The following DPP10 variants were observed in gnomAD, a reference collection of about 807,000 sequenced individuals.
DPP10 encodes the protein inactive dipeptidyl peptidase 10.
In DPP10, 33 loss-of-function variants were observed where a neutral mutation model predicts 120.9. That is an observed-to-expected ratio of 0.27 (90% CI 0.21 to 0.37). The LOEUF (loss-of-function observed/expected upper bound fraction) is 0.37, where lower values mean the gene tolerates loss of function less well. Ranked by LOEUF, DPP10 falls within the 10% of genes least tolerant of loss-of-function variation. DPP10 has a pLI of 1.00. For synonymous variants in DPP10, 337 were observed against 326.1 expected (o/e 1.03, Z -0.36); for missense variants, 816 against 942.8 (o/e 0.87, Z 1.76).
intron 1 of DPP10, among the ~76,000 whole-genome samples, chr2:114,784,148 T>A (rs550773726): frequency 3.3e-5 from 5 of 152,206 alleles, no homozygotes; most frequent in Admixed American, 3.3e-4. Context: ...AGAAGTCCCA[T>A]TGGGATCAAG....
At chr2:115,251,248 G>A (rs1490961480) in intron 1 of DPP10, among the ~76,000 whole-genome samples, 1 of 152,148 alleles carries the variant, frequency 6.6e-6, no homozygotes, top group Non-Finnish European at 1.5e-5. Flanking sequence ...GAAAAGCTTT[G>A]AGAGGTAGGT....
chr2:115,576,179 T>C lies in DPP10; in HGVS notation c.441+50207T>C, dbSNP rs142607563. Among the ~76,000 whole-genome samples the C allele has an allele frequency of 1.6e-3, 238 of 152,320 alleles. 1 individual carries two copies. Among genetic ancestry groups the C allele is most frequent in the African/African-American group, 5.0e-3 (207 of 41,580 alleles). ...CATGGAAAAGCAATACAATGAGCTATCAAAAACATTGATCACCTTATCCTT... is the reference window on the plus strand; with the variant it reads ...CATGGAAAAGCAATACAATGAGCTACCAAAAACATTGATCACCTTATCCTT... On this transcript the variant is annotated intron_variant, in intron 5 of 25. Transcript: ENST00000410059.
chr2:114,588,528 A>C (rs1224861895), intron 1 of DPP10, among the ~76,000 whole-genome samples: 3 of 152,196 alleles, frequency 2.0e-5, no homozygotes, highest in Admixed American at 2.0e-4. Flanking sequence ...TTCCCAACAC[A>C]AATAAATGAT....
chr2:114,855,581 A>T (rs963703118), intron 1 of DPP10, among the ~76,000 whole-genome samples: 8 of 152,148 alleles, frequency 5.3e-5, no homozygotes, highest in African/African-American at 1.9e-4. Context: ...GACAACATTA[A>T]ATGTGTGTGT....
chr2:115,050,797 A>G (rs917898154), intron 1 of DPP10, among the ~76,000 whole-genome samples: 1 of 152,228 alleles, frequency 6.6e-6, no homozygotes, highest in Non-Finnish European at 1.5e-5. Flanking sequence ...CGGCCTCACT[A>G]GAGTTTAACA....
At chr2:115,504,043 A>G (rs1213047004) in intron 4 of DPP10, among the ~76,000 whole-genome samples, 1 of 152,110 alleles carries the variant, frequency 6.6e-6, no homozygotes, top group Non-Finnish European at 1.5e-5. Context: ...GGGAGATATT[A>G]AACTGTGGCT....
intron 5 of DPP10, among the ~76,000 whole-genome samples, chr2:115,643,191 G>A (rs996585330): frequency 6.6e-6 from 1 of 151,618 alleles, no homozygotes; most frequent in Non-Finnish European, 1.5e-5. Context: ...TGAAATTGAT[G>A]ACCTTAGTGG....
At chr2:114,617,996 A>C (rs1693803186) in intron 1 of DPP10, among the ~76,000 whole-genome samples, 1 of 152,094 alleles carries the variant, frequency 6.6e-6, no homozygotes, top group East Asian at 1.9e-4. Context: ...TCTACATGTC[A>C]GATAATACAG....
chr2:114,789,323 A>G (rs1318968668), intron 1 of DPP10, among the ~76,000 whole-genome samples: 3 of 152,224 alleles, frequency 2.0e-5, no homozygotes, highest in Non-Finnish European at 4.4e-5. Flanking sequence ...AGATAAAGAA[A>G]AAGAACAAGA....
intron 1 of DPP10, among the ~76,000 whole-genome samples, chr2:114,709,311 C>G (rs146070634): frequency 1.3e-5 from 2 of 152,160 alleles, no homozygotes; most frequent in Non-Finnish European, 2.9e-5. Context: ...TCATTGGCCT[C>G]TTTCCTCTCT....
At chr2:115,155,628 T>C (rs1215099525) in intron 1 of DPP10, among the ~76,000 whole-genome samples, 5 of 152,210 alleles carry the variant, frequency 3.3e-5, no homozygotes, top group Non-Finnish European at 1.5e-5. Flanking sequence ...TGATAAAATA[T>C]TACAAGGCAA....
chr2:115,476,550 G>C (rs2075094760), intron 3 of DPP10, among the ~76,000 whole-genome samples: 1 of 152,148 alleles, frequency 6.6e-6, no homozygotes, highest in South Asian at 2.1e-4. Context: ...AAAGTTAGGG[G>C]TAAGATGCCA....
At chr2:114,832,845 C>A (rs1687262020) in intron 1 of DPP10, among the ~76,000 whole-genome samples, 1 of 151,898 alleles carries the variant, frequency 6.6e-6, no homozygotes, top group African/African-American at 2.4e-5. Context: ...GTCTACCTAA[C>A]ATGTTTCTAT....
chr2:114,836,380 A>G (rs1216655060), intron 1 of DPP10, among the ~76,000 whole-genome samples: 1 of 152,174 alleles, frequency 6.6e-6, no homozygotes, highest in Non-Finnish European at 1.5e-5. Flanking sequence ...TACAAAAGAG[A>G]GAAATTTTAA....
intron 1 of DPP10, among the ~76,000 whole-genome samples, chr2:114,984,334 A>G (rs1700270071): frequency 6.6e-6 from 1 of 152,190 alleles, no homozygotes; most frequent in Non-Finnish European, 1.5e-5. Context: ...AGTCTGGGGC[A>G]AATTCGCGAC....
intron 1 of DPP10, chr2:114,833,605 C>T (rs1687336826): frequency 6.6e-6 from 1 of 152,152 alleles, no homozygotes; most frequent in Admixed American, 6.5e-5. Context: ...ATTTTGATTG[C>T]AGTGTGTTCT....
intron 1 of DPP10, among the ~76,000 whole-genome samples, chr2:114,830,720 T>C (rs935929586): frequency 2.6e-5 from 4 of 152,202 alleles, no homozygotes; most frequent in African/African-American, 9.6e-5. Context: ...ATATCTGCCA[T>C]ATGTATAGAA....
chr2:114,928,385 C>T (rs1574503519), intron 1 of DPP10, among the ~76,000 whole-genome samples: 1 of 152,132 alleles, frequency 6.6e-6, no homozygotes, highest in East Asian at 1.9e-4. Context: ...ATAACAGGCC[C>T]CACACAAGTC....
chr2:115,080,693 C>T (rs968238626), intron 1 of DPP10, among the ~76,000 whole-genome samples: 2 of 152,134 alleles, frequency 1.3e-5, no homozygotes, highest in Non-Finnish European at 2.9e-5. Flanking sequence ...TCACTCAGTG[C>T]AGATCGTGTA....
Sources: allele counts gnomAD v4.1 joint callset (sites outside exome capture counted in the v4.1 genomes callset), GRCh38; gene constraint gnomAD v4.1.1; transcripts MANE v1.5; gene names NCBI Gene and HGNC (gene_info 2026-07-23, HGNC 2026-07-21).